Variants in GRIPAP1 observed in about 807,000 individuals in gnomAD.
The protein encoded by GRIPAP1 is GRIP1 associated protein 1.
GRIPAP1 carries 14 observed loss-of-function variants against 84.1 expected under a neutral mutation model. The ratio of observed to expected loss-of-function variants is 0.17; its 90% CI spans 0.11 to 0.26. GRIPAP1 has a LOEUF of 0.26. GRIPAP1 is among the 10% of genes least tolerant of loss of function. The pLI, the probability that GRIPAP1 is intolerant of heterozygous loss-of-function variation, is 1.00. For synonymous variants in GRIPAP1, 261 were observed against 256.8 expected (o/e 1.02, Z -0.15); for missense variants, 518 against 674.2 (o/e 0.77, Z 2.57).
In GRIPAP1 at chrX:48,983,758, C is replaced by G; in HGVS notation, c.1272+17G>C. On this transcript the variant is annotated intron_variant, in intron 15 of 25. Transcript: ENST00000376423. ...CCTACCCCCCATCCTCTCCCTTCAA[C>G]CCTCATGTTCCCCTACCTTCCGAGC... The G allele has an allele frequency of 1.0e-6, 1 of 999,113 alleles. No individual in the cohort carries two copies. The highest frequency in any genetic ancestry group is 1.4e-6 in the Non-Finnish European group (1 of 701,399). The allele number at this position is 999,113 out of a possible 1,213,427, so 82.3% of individuals were successfully genotyped here. A position where few individuals can be genotyped will look rare whatever the true frequency, so the allele number is the denominator to read the frequency against.
intron 3 of GRIPAP1, 44 bp from the exon 4 acceptor site, chrX:48,998,224 T>C: frequency 1.0e-6 from 1 of 1,001,399 alleles, no homozygotes; most frequent in South Asian, 2.0e-5. Context: ...TGAACAGAGA[T>C]GGACTGCCTT....
intron 13 of GRIPAP1, among the ~76,000 whole-genome samples, chrX:48,987,580 A>G (rs782340390): frequency 2.9e-5 from 3 of 104,278 alleles, no homozygotes; most frequent in South Asian, 4.5e-4. Flanking sequence ...AGCCTCCCCA[A>G]TAAAATTTTT....
intron 21 of GRIPAP1, among the ~76,000 whole-genome samples, chrX:48,979,433 CGCCACTGCACTCCA>C (rs1286943112): frequency 1.3e-5 from 1 of 77,222 alleles, no homozygotes; most frequent in Non-Finnish European, 2.4e-5. Context: ...GCCGAGATCG[CGCCACTGCACTCCA>C]GCCTGGGCGA....
intron 25 of GRIPAP1, among the ~76,000 whole-genome samples, chrX:48,974,776 A>G (rs782352770): frequency 9.0e-6 from 1 of 111,678 alleles, no homozygotes; most frequent in East Asian, 2.8e-4. Context: ...CAGGCAGGTA[A>G]CTGGGTGGGT....
At chrX:48,990,375 C>G (rs1557065123) in intron 8 of GRIPAP1, among the ~76,000 whole-genome samples, 1 of 112,161 alleles carries the variant, frequency 8.9e-6, no homozygotes, top group East Asian at 2.8e-4. Flanking sequence ...TGCCGCACCC[C>G]TGGGTCTCCA....
chrX:48,990,490 G>C (rs143317513), intron 8 of GRIPAP1, among the ~76,000 whole-genome samples, 195 bp downstream of exon 8: 58 of 112,342 alleles, frequency 5.2e-4, no homozygotes, highest in African/African-American at 1.8e-3. Flanking sequence ...TCATGCACAA[G>C]ATATAGTGGG....
At chrX:48,975,935 G>T in intron 24 of GRIPAP1, 83 bp downstream of exon 24, 1 of 802,142 alleles carries the variant, frequency 1.2e-6, no homozygotes, top group Non-Finnish European at 1.9e-6. Context: ...CGAGAGGAGA[G>T]GAGAGAAGCC....
Position 48,983,053 on chromosome X carries a change from C to G in GRIPAP1, c.1525G>C (p.Glu509Gln), listed in dbSNP as rs2064466247. 8.3e-7 allele frequency: 1 copy of G among 1,208,170 alleles called. No individual in the cohort carries two copies. Among genetic ancestry groups the G allele is most frequent in the African/African-American group, 1.7e-5 (1 of 57,888 alleles). ...GAATGTACCTGAGCTTGAAGTTCTT[C>G]CACTGTCTGCTGGAGAGTCTCCAGC... ...RELETLQQTV[E>Q]ELQAQVHSMD... The change falls in exon 17 of 26, where the codon GAA becomes CAA. Residue 509 changes from glutamate to glutamine, a missense_variant. By Grantham distance (29) the Glu-to-Gln change is conservative. Around this residue, in one of 5 missense-constraint regions of GRIPAP1, gnomAD observed 372 missense variants for 458.1 expected, o/e 0.81. Coordinates refer to ENST00000376423, the MANE Select transcript of GRIPAP1 (RefSeq NM_020137.5).
At chrX:48,991,664 C>T (rs1464478747) in intron 6 of GRIPAP1, among the ~76,000 whole-genome samples, 3 of 112,214 alleles carry the variant, frequency 2.7e-5, no homozygotes, top group Non-Finnish European at 1.9e-5. Flanking sequence ...ATGGTGAAAC[C>T]CCGTCTCTAC....
intron 1 of GRIPAP1, 136 bp downstream of exon 1, chrX:49,002,050 TCA>T (rs2064583557): frequency 7.2e-6 from 3 of 415,198 alleles, no homozygotes; most frequent in Admixed American, 4.7e-5. Context: ...ACTCCGAGCC[TCA>T]GTTTCCCTTC....
intron 5 of GRIPAP1, among the ~76,000 whole-genome samples, chrX:48,996,389 T>G (rs2064547266): frequency 8.9e-6 from 1 of 112,525 alleles, no homozygotes. Context: ...GTGGATCACC[T>G]GAAGTCGGGA....
At position 48,997,248 on chromosome X, in the gene GRIPAP1, A is replaced by T; in HGVS notation, c.306+2T>A. On this transcript the variant is annotated splice_donor_variant, in intron 5 of 25. Transcript: ENST00000376423. LOFTEE classifies it high-confidence loss of function. ...CCCTTTGACTATCCCAGGCACCAGC[A>T]CCTTGCTGAACTCGGCCATTAGTGT... 9.3e-7 allele frequency: 1 copy of T among 1,075,610 alleles called. No homozygotes were observed. 88.6% of individuals were successfully genotyped at this position (1,075,610 alleles called of 1,213,427 possible). A position where few individuals can be genotyped will look rare whatever the true frequency, so the allele number is the denominator to read the frequency against.
At chrX:48,987,146 C>CTT (rs1180847647) in intron 13 of GRIPAP1, among the ~76,000 whole-genome samples, 7 of 72,548 alleles carry the variant, frequency 9.6e-5, no homozygotes, top group Admixed American at 1.7e-4. Flanking sequence ...CCATGCCCGG[C>CTT]TTTTTTTTTT....
Position 48,982,960 on chromosome X carries a change from C to T in GRIPAP1, c.1599+19G>A. On this transcript the variant is annotated intron_variant, in intron 17 of 25. Transcript: ENST00000376423. ...GGCCCCAATCAGCCTCTGTTCCTCA[C>T]CAGGCATCACCAACTCACCTCGGCT... The T allele has an allele frequency of 9.4e-7, 1 of 1,059,088 alleles. No homozygotes were observed. The highest frequency in any genetic ancestry group is 1.3e-6 in the Non-Finnish European group (1 of 756,174). 87.3% of individuals were successfully genotyped at this position (1,059,088 alleles called of 1,213,427 possible). A position where few individuals can be genotyped will look rare whatever the true frequency, so the allele number is the denominator to read the frequency against.
chrX:48,995,749 C>A (rs900049475), intron 5 of GRIPAP1, among the ~76,000 whole-genome samples: 7 of 110,383 alleles, frequency 6.3e-5, no homozygotes, highest in Non-Finnish European at 1.3e-4. Flanking sequence ...GCACGTGCCA[C>A]CACACCCGGC....
intron 3 of GRIPAP1, 112 bp downstream of exon 3, chrX:48,999,126 G>T (rs1298302034): frequency 4.1e-6 from 2 of 487,296 alleles, no homozygotes; most frequent in African/African-American, 4.8e-5. Context: ...CGTGAAAACA[G>T]CATGCAACAT....
chrX:48,993,231 G>T (rs2064529589), intron 6 of GRIPAP1, among the ~76,000 whole-genome samples, 197 bp downstream of exon 6: 1 of 112,895 alleles, frequency 8.9e-6, no homozygotes. Flanking sequence ...CAATCTTCTG[G>T]GTGACAGACA....
intron 22 of GRIPAP1, 127 bp from the exon 23 acceptor site, chrX:48,976,490 C>T: frequency 1.2e-6 from 1 of 817,334 alleles, no homozygotes; most frequent in Non-Finnish European, 1.7e-6. Flanking sequence ...GAAGCTGGGA[C>T]TGTTGGCCCA....
chrX:48,990,518 C>T (rs1006875318), intron 8 of GRIPAP1, among the ~76,000 whole-genome samples, 167 bp downstream of exon 8: 24 of 112,300 alleles, frequency 2.1e-4, no homozygotes, highest in Non-Finnish European at 4.1e-4. Context: ...TAACTCATTC[C>T]ATACTGAAAG....
Sources: gnomAD v4.1 joint callset for allele counts (sites outside exome capture counted in the v4.1 genomes callset) on GRCh38, gnomAD v4.1.1 for gene constraint, gnomAD v4.1.1 regional missense constraint, MANE v1.5 for transcripts, NCBI Gene and HGNC (gene_info 2026-07-23, HGNC 2026-07-21) for gene names.